ADAMTS6: variants seen among roughly 807,000 people sequenced by gnomAD.
ADAMTS6 encodes ADAM metallopeptidase with thrombospondin type 1 motif 6.
ADAMTS6 carries 23 observed loss-of-function variants against 144.3 expected under a neutral mutation model. The observed-to-expected ratio is 0.16, with a 90% CI of 0.11 to 0.23. The LOEUF is 0.23. Among genes scored for constraint, ADAMTS6 ranks in the 10% least tolerant of loss-of-function variants. The pLI is 1.00. For missense variants in ADAMTS6, 999 were observed against 1,379.6 expected (o/e 0.72, Z 4.37); for synonymous variants, 444 against 457.5 (o/e 0.97, Z 0.38).
intron 9 of ADAMTS6, among the ~76,000 whole-genome samples, chr5:65,302,341 T>C (rs1056669756): frequency 6.9e-6 from 1 of 145,690 alleles, no homozygotes; most frequent in African/African-American, 2.5e-5. Context: ...ATTATATACA[T>C]ATAATATGTG....
At chr5:65,319,531 A>AAT (rs1745332672) in intron 9 of ADAMTS6, among the ~76,000 whole-genome samples, 1 of 148,838 alleles carries the variant, frequency 6.7e-6, no homozygotes. Flanking sequence ...AAAAAAAAAA[A>AAT]TTTATATATA....
intron 11 of ADAMTS6, among the ~76,000 whole-genome samples, chr5:65,283,201 T>G (rs922922772): frequency 3.3e-5 from 5 of 152,056 alleles, no homozygotes; most frequent in African/African-American, 1.2e-4. Context: ...AAAGGAAAAT[T>G]GAAAACCAAC....
chr5:65,308,577 A>G (rs762046005), intron 9 of ADAMTS6, among the ~76,000 whole-genome samples: 1 of 152,134 alleles, frequency 6.6e-6, no homozygotes, highest in African/African-American at 2.4e-5. Flanking sequence ...AAGACATTCT[A>G]TTTATTTGGC....
At position 65,263,029 on chromosome 5, in the gene ADAMTS6, A is replaced by G. The variant is rs1580225754; in HGVS notation, c.1621-67T>C. The G allele has an allele frequency of 1.7e-5, 27 of 1,600,518 alleles. No individual in the cohort carries two copies. The East Asian group carries it at 4.9e-4, about 29-fold the overall frequency. ...GATAGAGCTATCAGGATAGAAATACATAAGGGTCAGGTACTGACCAACTAT... is the reference window on the plus strand; with the variant it reads ...GATAGAGCTATCAGGATAGAAATACGTAAGGGTCAGGTACTGACCAACTAT... On this transcript the variant is annotated intron_variant, in intron 12 of 24. Transcript: ENST00000381055.
intron 9 of ADAMTS6, among the ~76,000 whole-genome samples, chr5:65,316,117 G>GC (rs1271155385): frequency 6.6e-6 from 1 of 152,060 alleles, no homozygotes; most frequent in Non-Finnish European, 1.5e-5. Flanking sequence ...TCACCATGTT[G>GC]CCCAGGCTGG....
At chr5:65,240,741 C>T (rs1009817855) in intron 15 of ADAMTS6, among the ~76,000 whole-genome samples, 9 of 151,958 alleles carry the variant, frequency 5.9e-5, no homozygotes, top group South Asian at 4.2e-4. Flanking sequence ...CCCCCAGTAC[C>T]GAGAAATAAA....
At chr5:65,226,670 C>T (rs1314769380) in intron 15 of ADAMTS6, among the ~76,000 whole-genome samples, 1 of 152,026 alleles carries the variant, frequency 6.6e-6, no homozygotes, top group Non-Finnish European at 1.5e-5. Context: ...ACTGCAACCT[C>T]TGCCTCCTGA....
chr5:65,310,120 C>CT (rs565084407), intron 9 of ADAMTS6, among the ~76,000 whole-genome samples: 98 of 151,904 alleles, frequency 6.5e-4, no homozygotes, highest in African/African-American at 2.3e-3. Context: ...TCCTCCCTCT[C>CT]TCTCTTGCTC....
chr5:65,218,068 A>G (rs1333474371), intron 18 of ADAMTS6, among the ~76,000 whole-genome samples: 17 of 152,194 alleles, frequency 1.1e-4, no homozygotes, highest in Admixed American at 1.1e-3. Context: ...AGGCTGACAT[A>G]GCTGGAATAT....
chr5:65,325,814 A>G (rs552751648), intron 9 of ADAMTS6, among the ~76,000 whole-genome samples: 27 of 152,266 alleles, frequency 1.8e-4, no homozygotes, highest in Middle Eastern at 3.4e-3. Context: ...TACTTTAAAA[A>G]TTCTCTCAAT....
At chr5:65,254,574 G>C (rs1304409575) in intron 14 of ADAMTS6, among the ~76,000 whole-genome samples, 1 of 152,158 alleles carries the variant, frequency 6.6e-6, no homozygotes, top group Non-Finnish European at 1.5e-5. Context: ...CACATAATAA[G>C]GGCTCCTATG....
intron 7 of ADAMTS6, among the ~76,000 whole-genome samples, chr5:65,419,871 T>C (rs1755867358): frequency 1.3e-5 from 2 of 152,214 alleles, no homozygotes; most frequent in Admixed American, 6.5e-5. Context: ...ACAAGGTTTC[T>C]TTTTGGGGTA....
chr5:65,475,361 A>T (rs1456841500), intron 1 of ADAMTS6, among the ~76,000 whole-genome samples: 3 of 152,224 alleles, frequency 2.0e-5, no homozygotes, highest in African/African-American at 4.8e-5. Flanking sequence ...TTAATCAACA[A>T]ATATTGTCCT....
At chr5:65,216,581 T>TA (rs1261102911) in intron 18 of ADAMTS6, among the ~76,000 whole-genome samples, 1 of 151,736 alleles carries the variant, frequency 6.6e-6, no homozygotes, top group South Asian at 2.1e-4. Context: ...AAAACAAAGT[T>TA]AAAAAAAGAG....
intron 8 of ADAMTS6, among the ~76,000 whole-genome samples, chr5:65,332,228 C>T (rs1371043413): frequency 2.1e-5 from 3 of 146,034 alleles, no homozygotes; most frequent in Non-Finnish European, 3.0e-5. Context: ...CAATGAAGAG[C>T]ATATGTAAAT....
rs572433755 is a variant in ADAMTS6, at chr5:65,424,847, C to T, written c.1073+26628G>A. ...TTTCCTTGATCAGTGGACTCTACAT[C>T]AATTTCTAGGACCTAATTTTGATTA... On this transcript the variant is annotated intron_variant, in intron 7 of 24. Coordinates refer to ENST00000381055, the MANE Select transcript of ADAMTS6 (RefSeq NM_197941.4). Among the ~76,000 whole-genome samples the T allele has an allele frequency of 3.9e-5, 6 of 152,284 alleles. No homozygotes were observed. In the East Asian group the frequency reaches 1.2e-3, roughly 29 times the overall value.
intron 24 of ADAMTS6, among the ~76,000 whole-genome samples, chr5:65,152,173 G>T (rs776241300): frequency 3.3e-5 from 5 of 152,174 alleles, no homozygotes; most frequent in Non-Finnish European, 7.3e-5. Context: ...TGTTTGCAAG[G>T]CTTTCCTTCC....
At chr5:65,434,349 T>C (rs1357853232) in intron 7 of ADAMTS6, among the ~76,000 whole-genome samples, 3 of 152,094 alleles carry the variant, frequency 2.0e-5, no homozygotes, top group African/African-American at 7.2e-5. Context: ...ATGAATAAAC[T>C]AAAAAACCGT....
chr5:65,349,779 C>G (rs561264515), intron 7 of ADAMTS6, among the ~76,000 whole-genome samples: 2 of 151,308 alleles, frequency 1.3e-5, no homozygotes, highest in South Asian at 4.2e-4. Context: ...TGCTTGAACC[C>G]AAGAGGCGGA....
Sources: gnomAD v4.1 joint callset for allele counts (sites outside exome capture counted in the v4.1 genomes callset) on GRCh38, gnomAD v4.1.1 for gene constraint, MANE v1.5 for transcripts, NCBI Gene and HGNC (gene_info 2026-07-23, HGNC 2026-07-21) for gene names.